KCNQ5: variants seen among roughly 807,000 people sequenced by gnomAD.
The protein encoded by KCNQ5 is potassium voltage-gated channel subfamily Q member 5.
In KCNQ5, 30 loss-of-function variants were observed where a neutral mutation model predicts 98.2. The ratio of observed to expected loss-of-function variants is 0.31; its 90% confidence interval spans 0.23 to 0.41. KCNQ5 has a LOEUF of 0.41. Ranked by LOEUF, KCNQ5 falls within the 10% of genes least tolerant of loss-of-function variation. The pLI, the probability that KCNQ5 is intolerant of heterozygous loss-of-function variation, is 1.00. For missense variants in KCNQ5, 835 were observed against 1,182.5 expected (o/e 0.71, Z 4.31); for synonymous variants, 458 against 449.4 (o/e 1.02, Z -0.24).
intron 1 of KCNQ5, among the ~76,000 whole-genome samples, chr6:72,766,623 A>G (rs1772585992): frequency 6.6e-6 from 1 of 151,946 alleles, no homozygotes; most frequent in Non-Finnish European, 1.5e-5. Flanking sequence ...AGCCTGCAGG[A>G]TTTGCTAACA....
intron 1 of KCNQ5, among the ~76,000 whole-genome samples, chr6:72,744,247 A>G (rs896275463): frequency 1.2e-4 from 18 of 152,270 alleles, no homozygotes; most frequent in Middle Eastern, 3.4e-3. Flanking sequence ...TCTAATGACT[A>G]TCACAGGTAT....
intron 7 of KCNQ5, among the ~76,000 whole-genome samples, chr6:73,118,870 A>G (rs941489938): frequency 1.3e-5 from 2 of 152,014 alleles, no homozygotes; most frequent in African/African-American, 4.8e-5. Context: ...AAAATACAAA[A>G]ATTAGCTGGA....
At chr6:73,141,069 A>G (rs1013781482) in intron 10 of KCNQ5, among the ~76,000 whole-genome samples, 1 of 152,248 alleles carries the variant, frequency 6.6e-6, no homozygotes, top group Non-Finnish European at 1.5e-5. Flanking sequence ...CTGCTATAAA[A>G]AACATACCAT....
At chr6:72,750,902 T>G (rs1188639599) in intron 1 of KCNQ5, among the ~76,000 whole-genome samples, 1 of 152,068 alleles carries the variant, frequency 6.6e-6, no homozygotes, top group Non-Finnish European at 1.5e-5. Context: ...TTTGACATAC[T>G]TAATGAGTTT....
intron 1 of KCNQ5, among the ~76,000 whole-genome samples, chr6:72,976,518 A>G (rs1002736473): frequency 2.0e-5 from 3 of 152,184 alleles, no homozygotes; most frequent in African/African-American, 7.2e-5. Context: ...GGATTTTACA[A>G]TGTCTCTTCC....
intron 1 of KCNQ5, among the ~76,000 whole-genome samples, chr6:72,926,729 C>T (rs1582030092): frequency 6.6e-6 from 1 of 152,062 alleles, no homozygotes; most frequent in African/African-American, 2.4e-5. Context: ...CATTTTAGGG[C>T]ATGGTTTTCT....
chr6:72,794,602 G>A (rs75549308), intron 1 of KCNQ5, among the ~76,000 whole-genome samples: 4,672 of 152,160 alleles, frequency 0.031, 255 homozygotes, highest in African/African-American at 0.11. Flanking sequence ...CATTTCAGGG[G>A]TGCAAATGTA....
At chr6:72,626,820 AAGG>A (rs1321618647) in intron 1 of KCNQ5, among the ~76,000 whole-genome samples, 18 of 152,208 alleles carry the variant, frequency 1.2e-4, no homozygotes, top group African/African-American at 3.4e-4. Context: ...TGGAGATGAG[AAGG>A]AGGAGTTTAA....
intron 1 of KCNQ5, among the ~76,000 whole-genome samples, chr6:72,958,705 G>T (rs752431720): frequency 1.3e-5 from 2 of 152,174 alleles, no homozygotes; most frequent in Non-Finnish European, 2.9e-5. Flanking sequence ...TTACACTAAG[G>T]TCAAGAATCA....
chr6:73,198,544 AAT>A lies in KCNQ5; in HGVS notation c.*3131_*3132del, dbSNP rs373719972. 13 of 152,372 alleles carry A rather than the reference AAT, an allele frequency of 8.5e-5. No homozygotes were observed. Among genetic ancestry groups the A allele is most frequent in the African/African-American group, 2.6e-4 (11 of 41,590 alleles). 9.4% of individuals were successfully genotyped at this position (152,372 alleles called of 1,614,324 possible). A position where few individuals can be genotyped will look rare whatever the true frequency, so the allele number is the denominator to read the frequency against. ...ATGATGAAACCTGGCTAACTAAATT[AAT>A]GGATCATTTCACTAAATCAGATAGA... On this transcript the variant is annotated 3_prime_UTR_variant, in exon 14 of 14. Coordinates refer to ENST00000370398, the MANE Select transcript of KCNQ5 (RefSeq NM_019842.4).
At chr6:72,726,958 A>G (rs1269513198) in intron 1 of KCNQ5, among the ~76,000 whole-genome samples, 1 of 152,224 alleles carries the variant, frequency 6.6e-6, no homozygotes, top group Admixed American at 6.6e-5. Flanking sequence ...CTTGAGGCTT[A>G]CTTATTAAAG....
intron 1 of KCNQ5, among the ~76,000 whole-genome samples, chr6:72,652,602 C>G (rs1018914607): frequency 6.6e-6 from 1 of 152,016 alleles, no homozygotes; most frequent in African/African-American, 2.4e-5. Flanking sequence ...ATCCTTGGAT[C>G]TGTAAGACTT....
Position 73,099,210 on chromosome 6 carries a change from T to C in KCNQ5, c.919-6047T>C, listed in dbSNP as rs544443121. On this transcript the variant is annotated intron_variant, in intron 5 of 13. Transcript: ENST00000370398. ...AATCATACCACCAGAGAAAATCACTTTCAATGAAAGGAAGACAAGAAGGAA... is the reference window on the plus strand; with the variant it reads ...AATCATACCACCAGAGAAAATCACTCTCAATGAAAGGAAGACAAGAAGGAA... Among the ~76,000 whole-genome samples, 3 of 151,834 alleles carry C rather than the reference T, an allele frequency of 2.0e-5. No homozygotes were observed. In the East Asian group the frequency reaches 5.8e-4, roughly 29 times the overall value.
At chr6:72,820,657 T>C (rs1344653172) in intron 1 of KCNQ5, among the ~76,000 whole-genome samples, 1 of 151,750 alleles carries the variant, frequency 6.6e-6, no homozygotes, top group Admixed American at 6.6e-5. Context: ...GCTCAGAGAA[T>C]GTGGCAGCAT....
At chr6:73,028,865 G>GTGTT (rs1771007379) in intron 2 of KCNQ5, among the ~76,000 whole-genome samples, 1 of 152,128 alleles carries the variant, frequency 6.6e-6, no homozygotes, top group South Asian at 2.1e-4. Flanking sequence ...ATCAAGTGTC[G>GTGTT]TGTTGCCAGG....
At chr6:72,947,543 C>CAATGGAAGT (rs1554189040) in intron 1 of KCNQ5, among the ~76,000 whole-genome samples, 5 of 152,048 alleles carry the variant, frequency 3.3e-5, no homozygotes, top group Non-Finnish European at 7.4e-5. Context: ...AATGAAATAC[C>CAATGGAAGT]AATGGAAGTG....
intron 1 of KCNQ5, among the ~76,000 whole-genome samples, chr6:72,644,605 T>C (rs1226849025): frequency 2.0e-5 from 3 of 152,180 alleles, no homozygotes; most frequent in African/African-American, 7.2e-5. Flanking sequence ...ACAGCATGTA[T>C]GCATGTATAT....
At chr6:73,097,844 A>G (rs1434262366) in intron 5 of KCNQ5, among the ~76,000 whole-genome samples, 1 of 152,232 alleles carries the variant, frequency 6.6e-6, no homozygotes, top group Non-Finnish European at 1.5e-5. Flanking sequence ...GCCTGCAGTG[A>G]CCAAAAACTT....
intron 1 of KCNQ5, among the ~76,000 whole-genome samples, chr6:72,913,838 T>C (rs1453651695): frequency 6.6e-6 from 1 of 152,214 alleles, no homozygotes; most frequent in Non-Finnish European, 1.5e-5. Flanking sequence ...TAAAGTTGTG[T>C]ATTTTTATGC....
Sources: gnomAD v4.1 joint callset for allele counts (sites outside exome capture counted in the v4.1 genomes callset) on GRCh38, gnomAD v4.1.1 for gene constraint, MANE v1.5 for transcripts, NCBI Gene and HGNC (gene_info 2026-07-23, HGNC 2026-07-21) for gene names.